TNRC6B: variants seen among roughly 807,000 people sequenced by gnomAD.
The protein encoded by TNRC6B is trinucleotide repeat containing adaptor 6B.
TNRC6B carries 52 observed loss-of-function variants against 203.6 expected under a neutral mutation model. The observed-to-expected ratio is 0.26, with a 90% CI of 0.20 to 0.32. The LOEUF (loss-of-function observed/expected upper bound fraction) is 0.32. Among genes scored for constraint, TNRC6B ranks in the 10% least tolerant of loss-of-function variants. TNRC6B has a pLI of 1.00. For synonymous variants in TNRC6B, 838 were observed against 845.7 expected, an observed-to-expected ratio of 0.99 and a Z score of 0.16; for missense variants, 1,923 against 2,286.2, an observed-to-expected ratio of 0.84 and a Z score of 3.24.
intron 1 of TNRC6B, among the ~76,000 whole-genome samples, chr22:40,075,156 A>ATATATATATATATTT: frequency 2.8e-5 from 1 of 35,558 alleles, no homozygotes; most frequent in Non-Finnish European, 5.2e-5. Flanking sequence ...ATATATATAT[A>ATATATATATATATTT]TTTTTTTTTT....
chr22:40,067,776 G>C (rs1437543646), intron 1 of TNRC6B, among the ~76,000 whole-genome samples: 1 of 152,076 alleles, frequency 6.6e-6, no homozygotes, highest in African/African-American at 2.4e-5. Context: ...CAGGCCCCTA[G>C]CCAATGGGAT....
intron 1 of TNRC6B, among the ~76,000 whole-genome samples, chr22:40,195,485 C>T (rs2069325261): frequency 6.6e-6 from 1 of 152,102 alleles, no homozygotes. Flanking sequence ...TTATTAGAGA[C>T]AGGGCTTTGC....
At chr22:40,085,269 C>CT (rs200878706) in intron 1 of TNRC6B, among the ~76,000 whole-genome samples, 1 of 152,028 alleles carries the variant, frequency 6.6e-6, no homozygotes, top group African/African-American at 2.4e-5. Flanking sequence ...AAGGCAAGGA[C>CT]TTTTTTAAAA....
At chr22:40,128,120 C>G (rs147077844) in intron 3 of TNRC6B, among the ~76,000 whole-genome samples, 403 of 152,274 alleles carry the variant, frequency 2.6e-3, no homozygotes, top group Non-Finnish European at 4.4e-3. Context: ...TATACTTGCA[C>G]TAAGTGGATG....
At chr22:40,125,734 G>C in intron 2 of TNRC6B, 2 of 1,513,144 alleles carry the variant, frequency 1.3e-6, no homozygotes, top group Non-Finnish European at 1.8e-6. Flanking sequence ...TTTTTGCCCT[G>C]AATTCCTTAC....
intron 19 of TNRC6B, 28 bp from the exon 20 acceptor site, chr22:40,315,255 T>G (rs200611709): frequency 6.3e-6 from 10 of 1,590,546 alleles, no homozygotes; most frequent in Non-Finnish European, 8.6e-6. Flanking sequence ...TCTAACCTTA[T>G]TCCTTCCTTA....
intron 3 of TNRC6B, among the ~76,000 whole-genome samples, chr22:40,132,513 G>A (rs971138773): frequency 7.3e-5 from 11 of 150,852 alleles, no homozygotes; most frequent in Non-Finnish European, 1.6e-4. Context: ...GGGCGAGGGC[G>A]AGGGGCCTGT....
At chr22:40,066,990 A>G (rs933548029) in intron 1 of TNRC6B, among the ~76,000 whole-genome samples, 1 of 151,060 alleles carries the variant, frequency 6.6e-6, no homozygotes, top group African/African-American at 2.4e-5. Context: ...TACAACTTCA[A>G]CCTCCGAGGC....
At chr22:40,187,400 A>T (rs1161607345) in intron 1 of TNRC6B, among the ~76,000 whole-genome samples, 1 of 152,218 alleles carries the variant, frequency 6.6e-6, no homozygotes, top group Non-Finnish European at 1.5e-5. Context: ...AAAATTTGAA[A>T]TAGTGTTTGG....
At chr22:40,273,205 G>C (rs1230052982) in intron 6 of TNRC6B, among the ~76,000 whole-genome samples, 2 of 152,134 alleles carry the variant, frequency 1.3e-5, no homozygotes, top group Non-Finnish European at 2.9e-5. Flanking sequence ...TAAATCAGGA[G>C]GCCTTGATTC....
At chr22:40,220,155 G>A (rs1858748427) in intron 1 of TNRC6B, among the ~76,000 whole-genome samples, 1 of 152,182 alleles carries the variant, frequency 6.6e-6, no homozygotes, top group African/African-American at 2.4e-5. Context: ...TCCTAGCTTG[G>A]ATGCTGTGGC....
intron 15 of TNRC6B, among the ~76,000 whole-genome samples, chr22:40,305,252 G>C (rs1414787906): frequency 1.3e-5 from 2 of 152,174 alleles, no homozygotes; most frequent in Non-Finnish European, 2.9e-5. Context: ...TTGTACCTCA[G>C]CTCCTAACAC....
intron 22 of TNRC6B, 57 bp from the exon 23 acceptor site, chr22:40,322,797 C>A (rs766101845): frequency 1.7e-5 from 28 of 1,604,410 alleles, no homozygotes; most frequent in Non-Finnish European, 2.4e-5. Flanking sequence ...GTCGCTCCCT[C>A]CGTATGCTTT....
chr22:40,060,658 A>G (rs2067841672), intron 1 of TNRC6B, among the ~76,000 whole-genome samples: 1 of 152,168 alleles, frequency 6.6e-6, no homozygotes, highest in African/African-American at 2.4e-5. Context: ...TATTTCAGTG[A>G]AAAAATACAG....
intron 3 of TNRC6B, among the ~76,000 whole-genome samples, chr22:40,135,039 G>A (rs1014363691): frequency 1.3e-5 from 2 of 152,246 alleles, no homozygotes; most frequent in Non-Finnish European, 2.9e-5. Flanking sequence ...ATGGCTGGCA[G>A]TTGGTATTGG....
chr22:40,201,516 G>T (rs951033462), intron 1 of TNRC6B, among the ~76,000 whole-genome samples: 1 of 151,428 alleles, frequency 6.6e-6, no homozygotes, highest in Non-Finnish European at 1.5e-5. Flanking sequence ...GCTCACTGCA[G>T]CCTCGACCTC....
intron 1 of TNRC6B, among the ~76,000 whole-genome samples, chr22:40,216,687 C>T (rs967135724): frequency 7.2e-5 from 11 of 152,148 alleles, no homozygotes; most frequent in Non-Finnish European, 1.3e-4. Flanking sequence ...GAAAGTCTCT[C>T]TTGCTGTGCA....
intron 4 of TNRC6B, among the ~76,000 whole-genome samples, chr22:40,164,162 A>C (rs1213016175): frequency 6.6e-6 from 1 of 151,964 alleles, no homozygotes; most frequent in Non-Finnish European, 1.5e-5. Flanking sequence ...CAGGTGGATC[A>C]CTTGAGGTTA....
Position 40,266,201 on chromosome 22 carries a change from C to G in TNRC6B, c.1971C>G (p.Ala657=). 1 of 1,611,880 alleles carries G rather than the reference C, an allele frequency of 6.2e-7. No homozygotes were observed. The highest frequency in any genetic ancestry group is 8.5e-7 in the Non-Finnish European group (1 of 1,178,854). ...DKGTEGWESA[A]TQTKNSGGWG... ...GAACTGAGGGGTGGGAGAGCGCTGCCACACAGACCAAGAACTCAGGGGGCT... is the reference window on the plus strand; with the variant it reads ...GAACTGAGGGGTGGGAGAGCGCTGCGACACAGACCAAGAACTCAGGGGGCT... The change falls in exon 5 of 23, where the codon GCC becomes GCG. Residue 657 remains alanine, a synonymous_variant. Coordinates refer to ENST00000454349, the MANE Select transcript of TNRC6B (RefSeq NM_001162501.2).
Sources: gnomAD v4.1 joint callset for allele counts (sites outside exome capture counted in the v4.1 genomes callset) on GRCh38, gnomAD v4.1.1 for gene constraint, MANE v1.5 for transcripts, NCBI Gene and HGNC (gene_info 2026-07-23, HGNC 2026-07-21) for gene names.